CD226: variants seen among roughly 807,000 people sequenced by gnomAD.
The protein encoded by CD226 is CD226 molecule.
Under a neutral mutation model 34.9 loss-of-function variants are expected in CD226, and 24 were observed. The observed-to-expected ratio is 0.69, with a 90% CI of 0.50 to 0.97. CD226 has a LOEUF of 0.97. Ranked by LOEUF, CD226 falls within the 50% of genes least tolerant of loss-of-function variation. The pLI is 0.00. For missense variants in CD226, 397 were observed against 412.7 expected, an observed-to-expected ratio of 0.96 and a Z score of 0.33; for synonymous variants, 148 against 147.4, an observed-to-expected ratio of 1.00 and a Z score of -0.03.
Position 69,861,303 on chromosome 18 carries a change from C to T in CD226, c.*3011G>A, listed in dbSNP as rs1982803048. The T allele has an allele frequency of 6.6e-6, 1 of 151,064 alleles. No individual in the cohort carries two copies. The allele number at this position is 151,064 out of a possible 1,614,324, so 9.4% of individuals were successfully genotyped here. On this transcript the variant is annotated 3_prime_UTR_variant, in exon 6 of 6. Coordinates refer to ENST00000582621, the MANE Select transcript of CD226 (RefSeq NM_001303618.2). ...ATTTTATTTTCTCAACATATTATAC[C>T]TAAAGTTCTTTAAATAAAGTTTGAA...
At position 69,861,311 on chromosome 18, in the gene CD226, C is replaced by T. The variant is rs1414673675; in HGVS notation, c.*3003G>A. On this transcript the variant is annotated 3_prime_UTR_variant, in exon 6 of 6. Transcript: ENST00000582621. ...TTCTCAACATATTATACCTAAAGTT[C>T]TTTAAATAAAGTTTGAAGGTATCTC... 2 of 151,140 alleles carry T rather than the reference C, an allele frequency of 1.3e-5. No homozygotes were observed. Among genetic ancestry groups the T allele is most frequent in the African/African-American group, 4.8e-5 (2 of 41,270 alleles). The allele number at this position is 151,140 out of a possible 1,614,324, so 9.4% of individuals were successfully genotyped here.
Position 69,867,377 on chromosome 18 carries a change from CTG to C in CD226, c.863_864del (p.Thr288ArgfsTer11), listed in dbSNP as rs760129607. 3.8e-6 allele frequency: 6 copies of C among 1,597,488 alleles called. No individual in the cohort carries two copies. The Admixed American group carries it at 8.3e-5, about 22-fold the overall frequency. Reference sequence around the variant, plus strand: ...CTTACCTTCTGTGTATCCCAGGACTCTGTAAATAGATCTCTTCTCTCTCTCCT... The same window carrying C: ...CTTACCTTCTGTGTATCCCAGGACTCTAAATAGATCTCTTCTCTCTCTCCT... ...RRRRERRDLF[T>X]ESWDTQKAPN... On this transcript the variant is annotated frameshift_variant, in exon 5 of 6. Transcript: ENST00000582621. LOFTEE classifies it low-confidence loss of function (END_TRUNC).
At chr18:69,891,402 A>T (rs930561174) in intron 3 of CD226, among the ~76,000 whole-genome samples, 1 of 152,220 alleles carries the variant, frequency 6.6e-6, no homozygotes, top group Non-Finnish European at 1.5e-5. Context: ...AAGACTGAGA[A>T]CTTTTGCTCT....
At chr18:69,943,309 G>A (rs906177118) in intron 2 of CD226, among the ~76,000 whole-genome samples, 3 of 152,172 alleles carry the variant, frequency 2.0e-5, no homozygotes, top group African/African-American at 7.2e-5. Flanking sequence ...CCAGAGACAC[G>A]TAGGTGACAG....
chr18:69,895,303 C>T (rs929566719), intron 3 of CD226, among the ~76,000 whole-genome samples: 5 of 152,198 alleles, frequency 3.3e-5, no homozygotes, highest in Admixed American at 3.3e-4. Flanking sequence ...CAACCTAGCA[C>T]TGTCTTGTAT....
At chr18:69,872,215 C>A (rs973211092) in intron 4 of CD226, among the ~76,000 whole-genome samples, 4 of 152,032 alleles carry the variant, frequency 2.6e-5, no homozygotes, top group African/African-American at 9.7e-5. Context: ...AGTGTGGTCC[C>A]TTCCTCCCCT....
intron 3 of CD226, among the ~76,000 whole-genome samples, chr18:69,889,764 CCT>C (rs1321494226): frequency 6.6e-6 from 1 of 152,106 alleles, no homozygotes; most frequent in Non-Finnish European, 1.5e-5. Flanking sequence ...ACTCTATTCC[CCT>C]GTCCTTCCTC....
At chr18:69,914,321 AGGAGCTT>A (rs1282872354) in intron 2 of CD226, among the ~76,000 whole-genome samples, 1 of 152,254 alleles carries the variant, frequency 6.6e-6, no homozygotes, top group African/African-American at 2.4e-5. Flanking sequence ...GAAGACAAAG[AGGAGCTT>A]GGTTCAAGTT....
chr18:69,932,390 A>C (rs1387679129), intron 2 of CD226, among the ~76,000 whole-genome samples: 2 of 152,206 alleles, frequency 1.3e-5, no homozygotes, highest in Non-Finnish European at 1.5e-5. Context: ...AATGCATCTA[A>C]GTAAGCATGT....
chr18:69,887,786 T>C lies in CD226; in HGVS notation c.727+7915A>G, dbSNP rs948422128. 9.9e-5 allele frequency among the ~76,000 whole-genome samples: 15 copies of C among 152,208 alleles called. 1 individual carries two copies. Among genetic ancestry groups the C allele is most frequent in the Non-Finnish European group, 2.9e-5 (2 of 68,040 alleles). On this transcript the variant is annotated intron_variant, in intron 3 of 5. Transcript: ENST00000582621. ...TTCTACCAAAGTTAAAAACATTGAA[T>C]TAATCCTGGAAATGAATTTTAGAGT... is the stretch of plus-strand genomic sequence containing the variant.
intron 5 of CD226, among the ~76,000 whole-genome samples, chr18:69,866,251 G>T (rs1454692858): frequency 2.0e-5 from 3 of 152,120 alleles, no homozygotes; most frequent in Non-Finnish European, 1.5e-5. Context: ...TATGAATGTT[G>T]GGAAGACATA....
intron 2 of CD226, among the ~76,000 whole-genome samples, chr18:69,914,680 A>G (rs2055364715): frequency 6.6e-6 from 1 of 152,216 alleles, no homozygotes; most frequent in African/African-American, 2.4e-5. Context: ...CCAATAAAAC[A>G]GAAATGTTCA....
At chr18:69,925,869 A>C (rs2055514765) in intron 2 of CD226, among the ~76,000 whole-genome samples, 1 of 152,162 alleles carries the variant, frequency 6.6e-6, no homozygotes, top group African/African-American at 2.4e-5. Context: ...CAGGCTGGAA[A>C]CAGTGGATCC....
chr18:69,927,389 AACACAC>A (rs1160043164), intron 2 of CD226, among the ~76,000 whole-genome samples: 1 of 65,798 alleles, frequency 1.5e-5, no homozygotes, highest in African/African-American at 4.5e-5. Flanking sequence ...CACACACACA[AACACAC>A]ACACACACAC....
rs185390391 is a variant in CD226, at chr18:69,866,907, G to A, written c.885+450C>T. ...GCGATGTGTCTACCAGCCAAGGATCGACAGCTCCACTAGAAGCTGGATAGA... is the reference window on the plus strand; with the variant it reads ...GCGATGTGTCTACCAGCCAAGGATCAACAGCTCCACTAGAAGCTGGATAGA... On this transcript the variant is annotated intron_variant, in intron 5 of 5. Coordinates refer to ENST00000582621, the MANE Select transcript of CD226 (RefSeq NM_001303618.2). Among the ~76,000 whole-genome samples the A allele has an allele frequency of 9.2e-5, 14 of 152,240 alleles. No individual in the cohort carries two copies. The East Asian group carries it at 2.3e-3, about 25-fold the overall frequency.
chr18:69,932,806 C>T (rs938444760), intron 2 of CD226, among the ~76,000 whole-genome samples: 4 of 152,118 alleles, frequency 2.6e-5, no homozygotes, highest in Admixed American at 6.6e-5. Context: ...TACACTGTCA[C>T]GACCCACTCC....
chr18:69,955,620 A>T (rs1412590805), intron 1 of CD226, among the ~76,000 whole-genome samples: 1 of 152,068 alleles, frequency 6.6e-6, no homozygotes, highest in Admixed American at 6.5e-5. Flanking sequence ...GTAATCCCAA[A>T]GTGAAGGCCG....
At position 69,874,026 on chromosome 18, in the gene CD226, GA is replaced by G. The variant is rs148044135; in HGVS notation, c.728-781del. 4.7e-3 allele frequency among the ~76,000 whole-genome samples: 695 copies of G among 149,060 alleles called. 1 individual carries two copies. Among genetic ancestry groups the G allele is most frequent in the Non-Finnish European group, 7.2e-3 (481 of 66,986 alleles). Reference sequence around the variant, plus strand: ...AATTTGGTAATGATACAAAAAATCAGAAAAAAAAAATGTTACTCCAACTCAA... The same window carrying G: ...AATTTGGTAATGATACAAAAAATCAGAAAAAAAAATGTTACTCCAACTCAA... On this transcript the variant is annotated intron_variant, in intron 3 of 5. Coordinates refer to ENST00000582621, the MANE Select transcript of CD226 (RefSeq NM_001303618.2).
chr18:69,895,650 G>A (rs1598983417), intron 3 of CD226, 51 bp downstream of exon 3: 2 of 1,395,170 alleles, frequency 1.4e-6, no homozygotes, highest in Non-Finnish European at 2.0e-6. Flanking sequence ...CCAGCCCACG[G>A]GGCTGGCTTT....
Sources: gnomAD v4.1 joint callset for allele counts (sites outside exome capture counted in the v4.1 genomes callset) on GRCh38, gnomAD v4.1.1 for gene constraint, MANE v1.5 for transcripts, NCBI Gene and HGNC (gene_info 2026-07-23, HGNC 2026-07-21) for gene names.